Variants in PUS10 observed in about 807,000 individuals in gnomAD.
PUS10 encodes the protein tRNA pseudouridine synthase Pus10.
In PUS10, 59 loss-of-function variants were observed where a neutral mutation model predicts 75.0. The observed-to-expected ratio is 0.79, with a 90% confidence interval of 0.64 to 0.98. The LOEUF (loss-of-function observed/expected upper bound fraction) is 0.98, where lower values mean the gene tolerates loss of function less well. Among genes scored for constraint, PUS10 ranks in the 50% least tolerant of loss-of-function variants. The probability of loss-of-function intolerance (pLI) is 0.00; values close to 1 mark genes in which losing one functional copy is unlikely to be tolerated. For missense variants in PUS10, 650 were observed against 614.4 expected (o/e 1.06, Z -0.61); for synonymous variants, 219 against 211.6 (o/e 1.03, Z -0.30).
chr2:60,960,566 T>A (rs534503672), intron 10 of PUS10, 49 bp from the exon 11 acceptor site: 25 of 1,516,512 alleles, frequency 1.6e-5, no homozygotes, highest in Non-Finnish European at 2.2e-5. Context: ...GTAATTAACA[T>A]GGTAGGATAA....
At chr2:60,943,491 C>T (rs2104067678) in intron 17 of PUS10, among the ~76,000 whole-genome samples, 1 of 151,196 alleles carries the variant, frequency 6.6e-6, no homozygotes, top group Admixed American at 6.6e-5. Flanking sequence ...AAAAAACCCA[C>T]CGTATCTATC....
At chr2:60,992,525 A>G (rs1043836471) in intron 4 of PUS10, among the ~76,000 whole-genome samples, 19 of 152,190 alleles carry the variant, frequency 1.2e-4, no homozygotes, top group Middle Eastern at 3.2e-3. Context: ...TAGTGATAAT[A>G]CTAAAGGAAT....
chr2:60,997,676 T>C (rs1678569726), intron 4 of PUS10, among the ~76,000 whole-genome samples: 2 of 151,172 alleles, frequency 1.3e-5, no homozygotes, highest in Admixed American at 6.6e-5. Flanking sequence ...TTTAGCCTAA[T>C]ATTAGCATAT....
At chr2:60,966,957 A>G (rs919102462) in intron 6 of PUS10, 3 of 152,344 alleles carry the variant, frequency 2.0e-5, no homozygotes, top group African/African-American at 7.2e-5. Flanking sequence ...CTGAAAGTCA[A>G]CCCATTTCAG....
At chr2:60,945,219 C>G (rs756659482) in intron 16 of PUS10, 111 bp from the exon 17 acceptor site, 23 of 687,812 alleles carry the variant, frequency 3.3e-5, no homozygotes, top group Non-Finnish European at 5.7e-5. Context: ...AGAAAGGTTA[C>G]TTCTGAGCTC....
intron 4 of PUS10, among the ~76,000 whole-genome samples, chr2:60,973,827 T>G (rs146245483): frequency 6.6e-6 from 1 of 152,176 alleles, no homozygotes; most frequent in East Asian, 1.9e-4. Flanking sequence ...CATGGACCAA[T>G]TGGCACACAC....
Position 60,948,033 on chromosome 2 carries a change from G to A in PUS10, c.1451+10C>T. On this transcript the variant is annotated intron_variant, in intron 16 of 17. Coordinates refer to ENST00000316752, the MANE Select transcript of PUS10 (RefSeq NM_144709.4). Reference sequence around the variant, plus strand: ...GTTCGATGGCGGCAGTGCAGCAGGTGGAAGGATACGTGCCAGCCTGAGTTT... The same window carrying A: ...GTTCGATGGCGGCAGTGCAGCAGGTAGAAGGATACGTGCCAGCCTGAGTTT... The A allele has an allele frequency of 6.2e-7, 1 of 1,614,048 alleles. No individual in the cohort carries two copies. The highest frequency in any genetic ancestry group is 8.5e-7 in the Non-Finnish European group (1 of 1,179,978).
intron 4 of PUS10, among the ~76,000 whole-genome samples, chr2:61,002,990 A>C (rs1678951006): frequency 6.6e-6 from 1 of 152,116 alleles, no homozygotes; most frequent in African/African-American, 2.4e-5. Context: ...ATTAAGTTTA[A>C]AGCTGTTCTG....
chr2:61,004,404 C>G (rs1679060926), intron 4 of PUS10, among the ~76,000 whole-genome samples: 2 of 152,056 alleles, frequency 1.3e-5, no homozygotes, highest in Non-Finnish European at 2.9e-5. Flanking sequence ...GCGGGCAGAT[C>G]ATGAGGTCAG....
At chr2:61,006,431 A>T (rs1160910918) in intron 4 of PUS10, 126 bp downstream of exon 4, 1 of 700,042 alleles carries the variant, frequency 1.4e-6, no homozygotes, top group Non-Finnish European at 2.4e-6. Context: ...AAATTGCTTC[A>T]ATCATTCAAT....
intron 5 of PUS10, among the ~76,000 whole-genome samples, chr2:60,971,299 A>G (rs1332745212): frequency 6.6e-6 from 1 of 152,170 alleles, no homozygotes; most frequent in East Asian, 1.9e-4. Flanking sequence ...AAAACACACA[A>G]AAAATGAACC....
intron 4 of PUS10, among the ~76,000 whole-genome samples, chr2:60,996,707 T>C (rs2104605190): frequency 6.6e-6 from 1 of 152,298 alleles, no homozygotes; most frequent in South Asian, 2.1e-4. Context: ...ACTTGGAGCC[T>C]TGGTTTTCTC....
intron 4 of PUS10, among the ~76,000 whole-genome samples, chr2:61,005,787 C>A (rs912623654): frequency 1.3e-5 from 2 of 152,156 alleles, no homozygotes; most frequent in African/African-American, 4.8e-5. Context: ...CTGTATCATT[C>A]TATCCAGCTT....
intron 11 of PUS10, among the ~76,000 whole-genome samples, chr2:60,959,597 C>T (rs2104312362): frequency 6.6e-6 from 1 of 152,262 alleles, no homozygotes; most frequent in East Asian, 1.9e-4. Flanking sequence ...CCATGTTGCC[C>T]AGGCTGGTCT....
At chr2:60,984,598 T>C (rs182970757) in intron 4 of PUS10, among the ~76,000 whole-genome samples, 3 of 152,346 alleles carry the variant, frequency 2.0e-5, no homozygotes, top group Admixed American at 1.3e-4. Context: ...AGACTCCATA[T>C]ACAAGTATGT....
chr2:61,007,338 T>C (rs186186606), intron 3 of PUS10, among the ~76,000 whole-genome samples: 98 of 152,288 alleles, frequency 6.4e-4, no homozygotes, highest in African/African-American at 2.3e-3. Context: ...GGCGTGCACC[T>C]GTAGTCCCAG....
At chr2:60,955,596 C>T (rs756078461) in intron 11 of PUS10, among the ~76,000 whole-genome samples, 23 of 152,192 alleles carry the variant, frequency 1.5e-4, no homozygotes, top group East Asian at 3.9e-4. Flanking sequence ...ACCAAAGCAC[C>T]GGGATTATAG....
chr2:60,968,300 A>G (rs1676462893), intron 5 of PUS10, among the ~76,000 whole-genome samples: 1 of 152,136 alleles, frequency 6.6e-6, no homozygotes, highest in African/African-American at 2.4e-5. Flanking sequence ...GATAAAAGGG[A>G]TGAAAAACAT....
At chr2:60,951,885 C>G (rs892442975) in intron 15 of PUS10, among the ~76,000 whole-genome samples, 1 of 152,168 alleles carries the variant, frequency 6.6e-6, no homozygotes, top group Non-Finnish European at 1.5e-5. Flanking sequence ...TTTTCAATGG[C>G]TGAATAGTAG....
Sources: allele counts gnomAD v4.1 joint callset (sites outside exome capture counted in the v4.1 genomes callset), GRCh38; gene constraint gnomAD v4.1.1; transcripts MANE v1.5; gene names NCBI Gene and HGNC (gene_info 2026-07-23, HGNC 2026-07-21).